ADAM20: variants seen among roughly 807,000 people sequenced by gnomAD.
The protein encoded by ADAM20 is disintegrin and metalloproteinase domain-containing protein 20.
For synonymous variants in ADAM20, 305 were observed against 310.2 expected (o/e 0.98, Z 0.18); for missense variants, 871 against 883.2 (o/e 0.99, Z 0.18).
the ADAM20 span, among the ~76,000 whole-genome samples, chr14:70,541,074 C>T: frequency 6.6e-5 from 10 of 151,756 alleles, no homozygotes; most frequent in African/African-American, 1.9e-4. Context: ...TACAGGTGTG[C>T]GCCACCACGC....
At chr14:70,564,934 G>C in the ADAM20 span, among the ~76,000 whole-genome samples, 4 of 150,884 alleles carry the variant, frequency 2.7e-5, no homozygotes, top group African/African-American at 9.7e-5. Context: ...TGTAGTCCCA[G>C]CTACTCAGAA....
At chr14:70,532,904 C>T (rs1041676407) in intron 1 of ADAM20, among the ~76,000 whole-genome samples, 1 of 152,082 alleles carries the variant, frequency 6.6e-6, no homozygotes, top group Non-Finnish European at 1.5e-5. Flanking sequence ...ATATGGCCAA[C>T]ACCATTTATG....
chr14:70,534,229 TA>T (rs959739767), intron 1 of ADAM20, among the ~76,000 whole-genome samples: 2 of 151,620 alleles, frequency 1.3e-5, no homozygotes, highest in East Asian at 1.9e-4. Flanking sequence ...TTCTCATGCT[TA>T]AAAAAAATGT....
chr14:70,569,339 T>C, the ADAM20 span, among the ~76,000 whole-genome samples: 3 of 152,186 alleles, frequency 2.0e-5, no homozygotes, highest in African/African-American at 7.2e-5. Flanking sequence ...TACAAAGTTC[T>C]CAGATGCTAC....
chr14:70,522,495 C>A lies in ADAM20; in HGVS notation c.*82G>T. ...ATGAAGTTTTATTTAAACAGTGAGA[C>A]ATGGCTTCATATTTTTCTATTAAAA... On this transcript the variant is annotated 3_prime_UTR_variant, in exon 2 of 2. Coordinates refer to ENST00000256389, the MANE Select transcript of ADAM20 (RefSeq NM_003814.5). The A allele has an allele frequency of 7.6e-7, 1 of 1,318,224 alleles. No individual in the cohort carries two copies. The highest frequency in any genetic ancestry group is 1.0e-6 in the Non-Finnish European group (1 of 984,190). The allele number at this position is 1,318,224 out of a possible 1,614,324, so 81.7% of individuals were successfully genotyped here.
chr14:70,556,667 T>C, the ADAM20 span: 11 of 152,316 alleles, frequency 7.2e-5, no homozygotes, highest in South Asian at 2.3e-3. Context: ...GGCCCACTCA[T>C]GTGCGATTTT....
At chr14:70,573,211 A>C in the ADAM20 span, among the ~76,000 whole-genome samples, 4 of 152,226 alleles carry the variant, frequency 2.6e-5, no homozygotes, top group Admixed American at 2.6e-4. Context: ...GGATTGCATA[A>C]AGAAAATGTG....
In ADAM20 at chr14:70,523,116, C is replaced by T. The variant is rs781038617; in HGVS notation, c.1642G>A (p.Gly548Ser). 1.2e-6 allele frequency: 2 copies of T among 1,613,950 alleles called. No individual in the cohort carries two copies. The highest frequency in any genetic ancestry group is 2.2e-5 in the East Asian group (1 of 44,862). The change falls in exon 2 of 2, where the codon GGC becomes AGC. Residue 548 changes from glycine (G) to serine (S), a missense_variant. Physicochemically the swap from Gly to Ser is moderately conservative, Grantham distance 56. Transcript: ENST00000256389. The part of the protein sequence containing the change: ...GNRFGHCGIV[G>S]TTYVKCWTPD... ...GTCCAACATTTTACATATGTTGTGC[C>T]TACAATACCACAGTGACCGAAACGG... is the stretch of plus-strand genomic sequence containing the variant.
At chr14:70,569,438 T>G in the ADAM20 span, among the ~76,000 whole-genome samples, 1 of 152,168 alleles carries the variant, frequency 6.6e-6, no homozygotes, top group Non-Finnish European at 1.5e-5. Context: ...TAGTCTTACA[T>G]GTAAATGGTC....
At chr14:70,565,806 A>G in the ADAM20 span, among the ~76,000 whole-genome samples, 1 of 152,250 alleles carries the variant, frequency 6.6e-6, no homozygotes, top group Non-Finnish European at 1.5e-5. Context: ...GAAGATGTAC[A>G]TGGTCTATAT....
At chr14:70,554,145 T>TA in the ADAM20 span, among the ~76,000 whole-genome samples, 1 of 151,962 alleles carries the variant, frequency 6.6e-6, no homozygotes, top group East Asian at 1.9e-4. Flanking sequence ...GAAAATGAAA[T>TA]AAAAAAGTAA....
the ADAM20 span, among the ~76,000 whole-genome samples, chr14:70,571,886 C>A: frequency 3.3e-5 from 5 of 152,026 alleles, no homozygotes; most frequent in Admixed American, 3.3e-4. Context: ...CTAGAAATAG[C>A]CACACACAAA....
In ADAM20 at chr14:70,523,978, C is replaced by G; in HGVS notation, c.780G>C (p.Trp260Cys). 6.2e-7 allele frequency: 1 copy of G among 1,613,916 alleles called. No individual in the cohort carries two copies. Among genetic ancestry groups the G allele is most frequent in the Non-Finnish European group, 8.5e-7 (1 of 1,179,928 alleles). The change falls in exon 2 of 2, where the codon TGG becomes TGC. Residue 260 changes from tryptophan to cysteine, a missense_variant. Physicochemically the swap from Trp to Cys is radical, Grantham distance 215. Coordinates refer to ENST00000256389, the MANE Select transcript of ADAM20 (RefSeq NM_003814.5). ...TGGTAGGAAGTGGATTTGATGCAGT[C>G]CATATATCAATTCCAGTCAAAATTA... ...VDVILTGIDIWTASNPLPTSG... is the reference protein window; with the variant it reads ...VDVILTGIDICTASNPLPTSG...
At chr14:70,572,043 G>A in the ADAM20 span, among the ~76,000 whole-genome samples, 2 of 152,088 alleles carry the variant, frequency 1.3e-5, no homozygotes, top group Admixed American at 6.6e-5. Flanking sequence ...TAACTAAAAT[G>A]ACCAAACTGC....
the ADAM20 span, among the ~76,000 whole-genome samples, chr14:70,559,580 C>T: frequency 6.6e-6 from 1 of 152,190 alleles, no homozygotes; most frequent in Non-Finnish European, 1.5e-5. Context: ...CAGTGGCTTC[C>T]CATCTTATTC....
chr14:70,568,077 G>A, the ADAM20 span, among the ~76,000 whole-genome samples: 1 of 152,118 alleles, frequency 6.6e-6, no homozygotes, highest in Non-Finnish European at 1.5e-5. Flanking sequence ...CTGGACTACA[G>A]CCTGAACTGC....
the ADAM20 span, among the ~76,000 whole-genome samples, chr14:70,568,520 A>C: frequency 6.6e-6 from 1 of 152,250 alleles, no homozygotes; most frequent in Non-Finnish European, 1.5e-5. Context: ...CTCTCTAGTA[A>C]TGGATACTAA....
At chr14:70,563,667 T>C in the ADAM20 span, among the ~76,000 whole-genome samples, 1 of 151,818 alleles carries the variant, frequency 6.6e-6, no homozygotes, top group Admixed American at 6.6e-5. Context: ...TAATAGTGAG[T>C]GTATTCTCCC....
the ADAM20 span, among the ~76,000 whole-genome samples, chr14:70,563,225 A>C: frequency 3.3e-5 from 5 of 152,134 alleles, no homozygotes; most frequent in African/African-American, 7.2e-5. Context: ...AGTGACAGGT[A>C]ATTAGCAGCC....
Sources: gnomAD v4.1 joint callset for allele counts (sites outside exome capture counted in the v4.1 genomes callset) on GRCh38, gnomAD v4.1.1 for gene constraint, MANE v1.5 for transcripts, NCBI Gene and HGNC (gene_info 2026-07-23, HGNC 2026-07-21) for gene names.